The following AP3D1 variants were observed in gnomAD, a reference collection of about 807,000 sequenced individuals.
AP3D1 encodes the protein AP-3 complex subunit delta-1.
AP3D1 carries 51 observed loss-of-function variants against 147.6 expected under a neutral mutation model. That is an observed-to-expected ratio of 0.35 (90% CI 0.28 to 0.44). The LOEUF is 0.44. AP3D1 is among the 20% of genes least tolerant of loss of function. The pLI is 1.00. For missense variants in AP3D1, 1,421 were observed against 1,624.2 expected (o/e 0.87, Z 2.15); for synonymous variants, 760 against 663.0 (o/e 1.15, Z -2.25).
Position 2,114,256 on chromosome 19 carries a change from T to C in AP3D1, c.2470A>G (p.Thr824Ala). The C allele has an allele frequency of 6.8e-6, 11 of 1,612,950 alleles. No individual in the cohort carries two copies. The highest frequency in any genetic ancestry group is 9.3e-6 in the Non-Finnish European group (11 of 1,179,704). Residue 824 changes from threonine to alanine, a missense_variant, in exon 22 of 32, where the codon ACC (threonine) becomes GCC (alanine). Around this residue, in one of 6 missense-constraint regions of AP3D1, gnomAD observed 791 missense variants for 761.4 expected, o/e 1.04. Transcript: ENST00000643116. ...TTCTCAGGGGATTTTGAGGTCTCGG[T>C]GTTTCTGTGTTTCTGAATAGGCAGT... Reference protein sequence around the residue: ...EKLPIQKHRNTETSKSPEKDV... With the variant: ...EKLPIQKHRNAETSKSPEKDV...
In AP3D1 at chr19:2,106,355, T is replaced by C. The variant is rs565733022; in HGVS notation, c.3552+2332A>G. Among the ~76,000 whole-genome samples, 7 of 152,106 alleles carry C rather than the reference T, an allele frequency of 4.6e-5. No homozygotes were observed. The East Asian group carries it at 1.4e-3, about 29-fold the overall frequency. Reference sequence around the variant, plus strand: ...CCCGGGGTCAGGAGTTCCACATCAGTCTGGCCAACCTGGCAAAACCCCATC... The same window carrying C: ...CCCGGGGTCAGGAGTTCCACATCAGCCTGGCCAACCTGGCAAAACCCCATC... On this transcript the variant is annotated intron_variant, in intron 31 of 31. Coordinates refer to ENST00000643116, the MANE Select transcript of AP3D1 (RefSeq NM_001261826.3).
chr19:2,126,915 A>C (rs553794933), intron 9 of AP3D1, among the ~76,000 whole-genome samples: 1 of 152,204 alleles, frequency 6.6e-6, no homozygotes, highest in Non-Finnish European at 1.5e-5. Flanking sequence ...CAGGCAGCTT[A>C]AGAAGCAAAC....
intron 1 of AP3D1, among the ~76,000 whole-genome samples, chr19:2,141,436 CTTTTT>C (rs571171291): frequency 7.7e-6 from 1 of 130,502 alleles, no homozygotes; most frequent in African/African-American, 2.8e-5. Flanking sequence ...CCCTGGGGTA[CTTTTT>C]TTTTTTTTTT....
intron 1 of AP3D1, among the ~76,000 whole-genome samples, chr19:2,146,660 C>T (rs2144558499): frequency 6.7e-6 from 1 of 150,282 alleles, no homozygotes; most frequent in East Asian, 2.0e-4. Flanking sequence ...GCATATTTTG[C>T]AATCAAAGCA....
At chr19:2,117,190 T>C in intron 16 of AP3D1, 32 bp downstream of exon 16, 1 of 1,557,976 alleles carries the variant, frequency 6.4e-7, no homozygotes, top group South Asian at 1.2e-5. Flanking sequence ...GTCAGGGCCA[T>C]GGTTGCAATG....
At position 2,110,162 on chromosome 19, in the gene AP3D1, T is replaced by C. The variant is rs1159045867; in HGVS notation, c.3238A>G (p.Lys1080Glu). ...TTGGCAATGAAGGACAGGGTCCCCTTGAGCTTCTGCGCCATGACGATGCTC... is the reference window on the plus strand; with the variant it reads ...TTGGCAATGAAGGACAGGGTCCCCTCGAGCTTCTGCGCCATGACGATGCTC... ...IQSIVMAQKLKGTLSFIAKND... is the reference protein window; with the variant it reads ...IQSIVMAQKLEGTLSFIAKND... Residue 1080 changes from lysine (K) to glutamate (E), a missense_variant, in exon 28 of 32, where the codon AAG (lysine) becomes GAG (glutamate). Lys to Glu is a moderately conservative substitution (Grantham distance 56, BLOSUM62 1). This residue lies in a region of AP3D1 where 791 missense variants were observed against 761.4 expected (regional missense o/e 1.04). Transcript: ENST00000643116. 1.9e-6 allele frequency: 3 copies of C among 1,612,822 alleles called. No individual in the cohort carries two copies. The highest frequency in any genetic ancestry group is 2.5e-6 in the Non-Finnish European group (3 of 1,179,910).
intron 9 of AP3D1, among the ~76,000 whole-genome samples, chr19:2,126,273 G>A (rs1247943698): frequency 6.7e-6 from 1 of 149,386 alleles, no homozygotes; most frequent in Non-Finnish European, 1.5e-5. Flanking sequence ...CTGACTTGGA[G>A]CAGCTTGGCA....
At position 2,138,598 on chromosome 19, in the gene AP3D1, TG is replaced by T; in HGVS notation, c.192+20del. On this transcript the variant is annotated intron_variant, in intron 2 of 31. Transcript: ENST00000643116. Reference sequence around the variant, plus strand: ...GAAGCAGCCCGACAGTGCTGGGCGCTGGCCACTGGGAGGCACTTACATACGT... The same window carrying T: ...GAAGCAGCCCGACAGTGCTGGGCGCTGCCACTGGGAGGCACTTACATACGT... 1 of 1,600,190 alleles carries T rather than the reference TG, an allele frequency of 6.2e-7. No homozygotes were observed. The highest frequency in any genetic ancestry group is 8.6e-7 in the Non-Finnish European group (1 of 1,167,756).
chr19:2,130,316 C>G (rs909555055), intron 6 of AP3D1, 92 bp downstream of exon 6: 2 of 1,561,862 alleles, frequency 1.3e-6, no homozygotes, highest in African/African-American at 2.7e-5. Flanking sequence ...CACCACTCCC[C>G]GCAGCACCCC....
intron 4 of AP3D1, among the ~76,000 whole-genome samples, chr19:2,135,999 C>A (rs112780480): frequency 6.6e-6 from 1 of 150,992 alleles, no homozygotes; most frequent in Admixed American, 6.6e-5. Flanking sequence ...CCCGCCCAGG[C>A]CCCTCCCGCT....
chr19:2,117,083 G>T, intron 16 of AP3D1, 139 bp downstream of exon 16: 1 of 1,130,082 alleles, frequency 8.8e-7, no homozygotes, highest in Non-Finnish European at 1.2e-6. Flanking sequence ...TCCGTGTGAG[G>T]GATATACCCG....
chr19:2,151,739 T>G (rs1004695040), upstream of AP3D1, among the ~76,000 whole-genome samples: 2 of 152,240 alleles, frequency 1.3e-5, no homozygotes, highest in Non-Finnish European at 2.9e-5. Context: ...GCCCCGCCTT[T>G]TCCGGCCCCA....
In AP3D1 at chr19:2,109,105, ACAGATCTT is replaced by A; in HGVS notation, c.3445_3452del (p.Lys1149PhefsTer35). The A allele has an allele frequency of 6.2e-7, 1 of 1,608,342 alleles. No homozygotes were observed. The highest frequency in any genetic ancestry group is 2.2e-5 in the East Asian group (1 of 44,784). On this transcript the variant is annotated frameshift_variant, in exon 30 of 32. Coordinates refer to ENST00000643116, the MANE Select transcript of AP3D1 (RefSeq NM_001261826.3). LOFTEE classifies it high-confidence loss of function. ...CCTTACCGGAAAAATGGTGGTGAAA[ACAGATCTT>A]CGCCAGAAGATTCTGGAAGGACATC...
chr19:2,102,891 G>A (rs2017998639), intron 31 of AP3D1, among the ~76,000 whole-genome samples: 1 of 152,102 alleles, frequency 6.6e-6, no homozygotes, highest in African/African-American at 2.4e-5. Flanking sequence ...GAGGTTGCAT[G>A]TGAGTTGAGA....
chr19:2,163,059 A>T (rs905506418), intron 1 of AP3D1, among the ~76,000 whole-genome samples: 7 of 146,954 alleles, frequency 4.8e-5, no homozygotes, highest in Non-Finnish European at 7.8e-5. Flanking sequence ...TAGTTTAATT[A>T]AATTAATTAA....
At chr19:2,151,584 G>C (rs1465368217), upstream of AP3D1, 2 of 155,964 alleles carry the variant, frequency 1.3e-5, no homozygotes, top group Non-Finnish European at 2.8e-5. Flanking sequence ...CTGACGACGA[G>C]CGCCCGGTCC....
intron 1 of AP3D1, among the ~76,000 whole-genome samples, chr19:2,158,817 C>G (rs182365315): frequency 6.6e-6 from 1 of 152,240 alleles, no homozygotes; most frequent in Admixed American, 6.6e-5. Flanking sequence ...AGTCCCCAGG[C>G]AAGAAAGGAG....
intron 1 of AP3D1, among the ~76,000 whole-genome samples, chr19:2,147,285 C>T (rs182741563): frequency 0.015 from 2,127 of 141,424 alleles, 30 homozygotes; most frequent in Non-Finnish European, 0.023. Flanking sequence ...GCGGAGGTTG[C>T]GGTGAGCCGA....
At chr19:2,150,076 A>T (rs927526493) in intron 1 of AP3D1, among the ~76,000 whole-genome samples, 1 of 152,216 alleles carries the variant, frequency 6.6e-6, no homozygotes, top group Non-Finnish European at 1.5e-5. Context: ...CACTTCCAGG[A>T]AAGTGTAAAG....
Sources: gnomAD v4.1 joint callset for allele counts (sites outside exome capture counted in the v4.1 genomes callset) on GRCh38, gnomAD v4.1.1 for gene constraint, gnomAD v4.1.1 regional missense constraint, MANE v1.5 for transcripts, NCBI Gene and HGNC (gene_info 2026-07-23, HGNC 2026-07-21) for gene names.